Variants in CCDC3 observed in about 807,000 individuals in gnomAD.
The protein encoded by CCDC3 is coiled-coil domain-containing protein 3.
In CCDC3, 24 loss-of-function variants were observed where a neutral mutation model predicts 21.4. That is an observed-to-expected ratio of 1.12 (90% CI 0.81 to 1.58). The LOEUF is 1.58. CCDC3 is among the 40% of genes most tolerant of loss of function. The pLI is 0.00. For synonymous variants in CCDC3, 186 were observed against 166.0 expected, an observed-to-expected ratio of 1.12 and a Z score of -0.93; for missense variants, 425 against 360.9, an observed-to-expected ratio of 1.18 and a Z score of -1.44.
chr10:12,943,467 C>G (rs938160682), intron 2 of CCDC3, among the ~76,000 whole-genome samples: 8 of 152,210 alleles, frequency 5.3e-5, no homozygotes, highest in African/African-American at 1.9e-4. Context: ...AAGCTGCAAA[C>G]ACAAGCTTGC....
At chr10:12,958,043 G>T (rs13377020) in intron 2 of CCDC3, among the ~76,000 whole-genome samples, 77,701 of 151,696 alleles carry the variant, frequency 0.51, 22,614 homozygotes, top group Non-Finnish European at 0.65. Context: ...GCCAGGCTCG[G>T]TTCCAACTCC....
chr10:12,997,639 G>A (rs904775266), intron 2 of CCDC3, among the ~76,000 whole-genome samples: 1 of 152,164 alleles, frequency 6.6e-6, no homozygotes, highest in African/African-American at 2.4e-5. Flanking sequence ...ATTTCCCTCA[G>A]CACTTTTCCT....
intron 2 of CCDC3, among the ~76,000 whole-genome samples, chr10:12,967,980 C>G (rs1297851320): frequency 6.6e-6 from 1 of 152,000 alleles, no homozygotes; most frequent in East Asian, 1.9e-4. Flanking sequence ...ACCAGCCTGA[C>G]CAACATGGTG....
chr10:13,050,643 T>G (rs972164590), intron 4 of CCDC3, among the ~76,000 whole-genome samples: 8 of 152,032 alleles, frequency 5.3e-5, no homozygotes, highest in African/African-American at 1.7e-4. Flanking sequence ...GTATTTTTAG[T>G]AGAGACGGGG....
At chr10:13,060,376 G>A (rs1029545957) in intron 4 of CCDC3, among the ~76,000 whole-genome samples, 2 of 152,252 alleles carry the variant, frequency 1.3e-5, no homozygotes, top group Non-Finnish European at 2.9e-5. Context: ...CTCAGGGAGC[G>A]CCAGCATTTG....
intron 3 of CCDC3, among the ~76,000 whole-genome samples, chr10:13,096,573 C>T (rs182839532): frequency 1.8e-4 from 27 of 152,242 alleles, no homozygotes; most frequent in Admixed American, 1.4e-3. Context: ...TACGGCCATG[C>T]AAAACTCCAG....
At chr10:12,941,463 G>C (rs1312713337) in intron 2 of CCDC3, among the ~76,000 whole-genome samples, 1 of 152,122 alleles carries the variant, frequency 6.6e-6, no homozygotes, top group Middle Eastern at 3.2e-3. Context: ...CCCTCTCTTG[G>C]GGTCTGGATC....
Position 12,910,040 on chromosome 10 carries a change from T to G in CCDC3, c.550-11361A>C, listed in dbSNP as rs142168922. Reference sequence around the variant, plus strand: ...AATTTATGAGCTGTGATCATGTTCATGTTTACTTCTCAGAGACTGATGACT... The same window carrying G: ...AATTTATGAGCTGTGATCATGTTCAGGTTTACTTCTCAGAGACTGATGACT... On this transcript the variant is annotated intron_variant, in intron 2 of 2. Transcript: ENST00000378825. 7.2e-4 allele frequency among the ~76,000 whole-genome samples: 109 copies of G among 152,364 alleles called. 1 individual carries two copies. Among genetic ancestry groups the G allele is most frequent in the African/African-American group, 2.5e-3 (106 of 41,584 alleles).
At chr10:13,034,353 G>C (rs1230536957) in intron 5 of CCDC3, among the ~76,000 whole-genome samples, 1 of 114,920 alleles carries the variant, frequency 8.7e-6, no homozygotes, top group East Asian at 3.1e-4. Flanking sequence ...GGGGTGGGGG[G>C]AGGGGCGAGG....
At chr10:13,020,419 C>G (rs1247043908) in intron 5 of CCDC3, among the ~76,000 whole-genome samples, 1 of 152,186 alleles carries the variant, frequency 6.6e-6, no homozygotes, top group Non-Finnish European at 1.5e-5. Flanking sequence ...CTATTATTCT[C>G]AGCAAACAAA....
At chr10:13,064,990 G>C (rs558291996) in intron 4 of CCDC3, among the ~76,000 whole-genome samples, 1 of 152,084 alleles carries the variant, frequency 6.6e-6, no homozygotes, top group South Asian at 2.1e-4. Flanking sequence ...AGAGTGGGAG[G>C]CAGGTTGTCC....
intron 2 of CCDC3, among the ~76,000 whole-genome samples, chr10:12,899,860 T>G (rs1834066861): frequency 6.6e-6 from 1 of 152,242 alleles, no homozygotes; most frequent in African/African-American, 2.4e-5. Context: ...TTGTACTTTT[T>G]GAATTTTGTA....
intron 2 of CCDC3, among the ~76,000 whole-genome samples, chr10:12,956,565 T>G (rs1218359245): frequency 6.6e-6 from 1 of 152,194 alleles, no homozygotes. Flanking sequence ...TATATGATAA[T>G]TAGGGAAACT....
intron 2 of CCDC3, among the ~76,000 whole-genome samples, chr10:12,933,238 T>C (rs1834678831): frequency 6.6e-6 from 1 of 152,200 alleles, no homozygotes; most frequent in Admixed American, 6.5e-5. Flanking sequence ...AATTTCTTTC[T>C]TACGTGTTCA....
rs1266964306 is a variant in CCDC3 at position 12,936,744 on chromosome 10, C to CA, written c.550-38066dup. ...GCAGATGCTGAGGCCCCCATCTGTGCAAAAAAATTTTAGAAACTATTAGCC... is the reference window on the plus strand; with the variant it reads ...GCAGATGCTGAGGCCCCCATCTGTGCAAAAAAAATTTTAGAAACTATTAGCC... On this transcript the variant is annotated intron_variant, in intron 2 of 2. Transcript: ENST00000378825. Among the ~76,000 whole-genome samples, 14 of 152,142 alleles carry CA rather than the reference C, an allele frequency of 9.2e-5. 1 individual carries two copies. The East Asian group carries it at 1.7e-3, about 19-fold the overall frequency.
chr10:12,966,091 G>A (rs907080427), intron 2 of CCDC3, among the ~76,000 whole-genome samples: 1 of 152,066 alleles, frequency 6.6e-6, no homozygotes, highest in African/African-American at 2.4e-5. Context: ...CACCGTCTGT[G>A]GGCAATAAGC....
chr10:12,977,340 AAAAG>A (rs1835432469), intron 2 of CCDC3, among the ~76,000 whole-genome samples: 1 of 152,150 alleles, frequency 6.6e-6, no homozygotes, highest in African/African-American at 2.4e-5. Flanking sequence ...GAAAAGAAAG[AAAAG>A]AAAGTGTCGT....
At chr10:13,023,701 A>G (rs1836180709) in intron 5 of CCDC3, among the ~76,000 whole-genome samples, 1 of 152,168 alleles carries the variant, frequency 6.6e-6, no homozygotes, top group Non-Finnish European at 1.5e-5. Context: ...CCATGTCCTT[A>G]CTACATGAAA....
rs200207241 is a variant in CCDC3, at chr10:12,994,425, A to ACACCCAG, written c.549+3906_549+3912dup. Among the ~76,000 whole-genome samples the ACACCCAG allele has an allele frequency of 1.2e-4, 18 of 151,504 alleles. No individual in the cohort carries two copies. The South Asian group carries it at 2.5e-3, about 21-fold the overall frequency. ...AAACAAAACAAAACAAAAAAAAAAA[A>ACACCCAG]CACCCAGCACCCAGCACCCAGCACC... On this transcript the variant is annotated intron_variant, in intron 2 of 2. Coordinates refer to ENST00000378825, the MANE Select transcript of CCDC3 (RefSeq NM_031455.4).
Sources: allele counts gnomAD v4.1 joint callset (sites outside exome capture counted in the v4.1 genomes callset), GRCh38; gene constraint gnomAD v4.1.1; transcripts MANE v1.5; gene names NCBI Gene and HGNC (gene_info 2026-07-23, HGNC 2026-07-21).